LRRC4C: variants seen among roughly 807,000 people sequenced by gnomAD.
LRRC4C encodes the protein leucine rich repeat containing 4C.
In LRRC4C, 5 loss-of-function variants were observed where a neutral mutation model predicts 33.6. The observed-to-expected ratio is 0.15, with a 90% CI of 0.08 to 0.31. LRRC4C has a LOEUF of 0.31. LRRC4C is among the 10% of genes least tolerant of loss of function. LRRC4C has a pLI of 1.00. For missense variants in LRRC4C, 560 were observed against 796.7 expected (o/e 0.70, Z 3.58); for synonymous variants, 329 against 302.0 (o/e 1.09, Z -0.93).
chr11:40,477,775 G>C lies in LRRC4C; in HGVS notation c.-269-158054C>G, dbSNP rs529662679. Among the ~76,000 whole-genome samples the C allele has an allele frequency of 3.1e-4, 47 of 152,200 alleles. 1 individual carries two copies. Among genetic ancestry groups the C allele is most frequent in the African/African-American group, 1.1e-3 (46 of 41,524 alleles). On this transcript the variant is annotated intron_variant, in intron 3 of 6. Transcript: ENST00000528697. ...AAGAGCAGTTTTGGAAAATATCTGG[G>C]GAAATGGATTTTAGTCTTGGTTTGA...
intron 1 of LRRC4C, among the ~76,000 whole-genome samples, chr11:40,940,470 C>T (rs543987536): frequency 1.7e-4 from 26 of 152,226 alleles, no homozygotes; most frequent in African/African-American, 5.1e-4. Context: ...TCTCAATTTT[C>T]TTGCCTATGT....
chr11:41,391,126 T>C (rs370050029), intron 1 of LRRC4C, among the ~76,000 whole-genome samples: 2 of 152,072 alleles, frequency 1.3e-5, no homozygotes, highest in South Asian at 4.1e-4. Flanking sequence ...CAGTGACTCT[T>C]AAACTCTGGG....
Position 40,219,610 on chromosome 11 carries a change from T to C in LRRC4C, c.-96+21909A>G, listed in dbSNP as rs144831753. On this transcript the variant is annotated intron_variant, in intron 5 of 6. Coordinates refer to ENST00000528697, the MANE Select transcript of LRRC4C (RefSeq NM_001258419.2). ...ATGACAGGGATGAATCTGGAGGACA[T>C]TATGCTCAGTGAAATAAGCCAGACA... 1.4e-3 allele frequency among the ~76,000 whole-genome samples: 216 copies of C among 152,252 alleles called. 2 individuals carry two copies. The highest frequency in any genetic ancestry group is 5.0e-3 in the African/African-American group (207 of 41,534).
chr11:41,115,882 C>T (rs1942095120), intron 1 of LRRC4C, among the ~76,000 whole-genome samples: 1 of 152,030 alleles, frequency 6.6e-6, no homozygotes, highest in Non-Finnish European at 1.5e-5. Context: ...ATTTGCCTGC[C>T]TCCTAGCTAG....
chr11:40,151,226 A>G (rs1858179491), intron 5 of LRRC4C, among the ~76,000 whole-genome samples: 1 of 152,298 alleles, frequency 6.6e-6, no homozygotes, highest in East Asian at 1.9e-4. Flanking sequence ...TCCCACTCCA[A>G]TGCAGTTTCC....
intron 1 of LRRC4C, among the ~76,000 whole-genome samples, chr11:40,978,925 C>T (rs1852299150): frequency 6.6e-6 from 1 of 152,044 alleles, no homozygotes; most frequent in African/African-American, 2.4e-5. Flanking sequence ...AGCCATCATG[C>T]CTCATCTCTT....
intron 1 of LRRC4C, among the ~76,000 whole-genome samples, chr11:41,437,419 G>GCACACACACA: frequency 1.6e-5 from 1 of 64,348 alleles, no homozygotes; most frequent in African/African-American, 5.7e-5. Flanking sequence ...AAACGCGCGC[G>GCACACACACA]CGCGCGCACA....
intron 1 of LRRC4C, among the ~76,000 whole-genome samples, chr11:40,985,301 C>T (rs1852917742): frequency 1.3e-5 from 2 of 152,074 alleles, no homozygotes; most frequent in South Asian, 4.1e-4. Flanking sequence ...GGTTTTTCTT[C>T]CGCTGAGTGA....
rs969383220 is a variant in LRRC4C, at chr11:40,998,432, TA to T, written c.-495-64710del. ...GGATCTAATAAAAAATCTCAGACTG[TA>T]AAAAAAATTAAAATTGATACCCAAC... On this transcript the variant is annotated intron_variant, in intron 1 of 6. Coordinates refer to ENST00000528697, the MANE Select transcript of LRRC4C (RefSeq NM_001258419.2). 3.3e-5 allele frequency among the ~76,000 whole-genome samples: 5 copies of T among 151,920 alleles called. No individual in the cohort carries two copies. In the East Asian group the frequency reaches 7.7e-4, roughly 23 times the overall value.
intron 2 of LRRC4C, among the ~76,000 whole-genome samples, chr11:40,736,302 T>C (rs1947862821): frequency 6.6e-6 from 1 of 152,072 alleles, no homozygotes; most frequent in African/African-American, 2.4e-5. Flanking sequence ...CTGAGAAGGA[T>C]GGTTTCCAGC....
At chr11:41,414,741 T>C (rs1281865105) in intron 1 of LRRC4C, among the ~76,000 whole-genome samples, 1 of 151,906 alleles carries the variant, frequency 6.6e-6, no homozygotes, top group Non-Finnish European at 1.5e-5. Context: ...TCGAGAAAGA[T>C]AATAGGAAAG....
intron 1 of LRRC4C, among the ~76,000 whole-genome samples, chr11:41,019,657 T>C (rs937807640): frequency 3.9e-5 from 6 of 152,198 alleles, no homozygotes; most frequent in Middle Eastern, 3.2e-3. Flanking sequence ...AGCGTTCTTA[T>C]TTATCCATAG....
intron 1 of LRRC4C, among the ~76,000 whole-genome samples, chr11:41,169,527 T>A (rs1384312374): frequency 6.6e-6 from 1 of 152,152 alleles, no homozygotes; most frequent in Non-Finnish European, 1.5e-5. Flanking sequence ...CAGGGGATTA[T>A]ATCATAGAGA....
intron 3 of LRRC4C, among the ~76,000 whole-genome samples, chr11:40,465,049 C>T (rs7482994): frequency 0.041 from 6,191 of 151,820 alleles, 405 homozygotes; most frequent in African/African-American, 0.14. Flanking sequence ...GCATCACATA[C>T]TATTTCAACC....
At chr11:40,595,833 C>T (rs926329146) in intron 3 of LRRC4C, among the ~76,000 whole-genome samples, 1 of 151,986 alleles carries the variant, frequency 6.6e-6, no homozygotes, top group Non-Finnish European at 1.5e-5. Flanking sequence ...TTCAGAGGAG[C>T]TAAAAGAGAA....
intron 2 of LRRC4C, among the ~76,000 whole-genome samples, chr11:40,660,322 G>A (rs1363121959): frequency 5.9e-5 from 9 of 152,218 alleles, no homozygotes; most frequent in Non-Finnish European, 1.2e-4. Context: ...AGCAGCATGA[G>A]TGGAGTGCAG....
At chr11:41,190,438 T>C (rs1238005106) in intron 1 of LRRC4C, among the ~76,000 whole-genome samples, 3 of 152,084 alleles carry the variant, frequency 2.0e-5, no homozygotes, top group African/African-American at 7.2e-5. Flanking sequence ...ATAGAAAACA[T>C]CTCTCGGGCA....
intron 3 of LRRC4C, among the ~76,000 whole-genome samples, chr11:40,400,817 C>A (rs926474854): frequency 3.3e-5 from 5 of 152,124 alleles, no homozygotes; most frequent in African/African-American, 1.2e-4. Context: ...CTCCTCAAAT[C>A]TATAGTGATT....
At chr11:41,411,748 A>C (rs1202384908) in intron 1 of LRRC4C, among the ~76,000 whole-genome samples, 1 of 152,160 alleles carries the variant, frequency 6.6e-6, no homozygotes, top group African/African-American at 2.4e-5. Flanking sequence ...TGCTGTCTGC[A>C]TGGGTTTTCT....
Sources: allele counts gnomAD v4.1 joint callset (sites outside exome capture counted in the v4.1 genomes callset), GRCh38; gene constraint gnomAD v4.1.1; transcripts MANE v1.5; gene names NCBI Gene and HGNC (gene_info 2026-07-23, HGNC 2026-07-21).